The following MASP1 variants were observed in gnomAD, a reference collection of about 807,000 sequenced individuals.
MASP1 encodes MBL associated serine protease 1, also known as mannan-binding lectin serine protease 1.
A neutral mutation model predicts 77.1 loss-of-function variants in MASP1; 59 were observed. The observed-to-expected ratio is 0.77, with a 90% confidence interval of 0.62 to 0.95. MASP1 has a LOEUF of 0.95. Ranked by LOEUF, MASP1 falls within the 40% of genes least tolerant of loss-of-function variation. The probability of loss-of-function intolerance (pLI) is 0.00; values close to 1 mark genes in which losing one functional copy is unlikely to be tolerated. For missense variants in MASP1, 885 were observed against 912.9 expected (o/e 0.97, Z 0.39); for synonymous variants, 362 against 354.5 (o/e 1.02, Z -0.24).
chr3:187,241,747 T>C (rs1713659393), intron 9 of MASP1, 192 bp from the exon 10 acceptor site: 3 of 547,188 alleles, frequency 5.5e-6, no homozygotes, highest in Non-Finnish European at 1.0e-5. Context: ...TGGCAGGTAC[T>C]CTCTGGGATA....
chr3:187,255,553 A>T (rs1438644501), intron 5 of MASP1, among the ~76,000 whole-genome samples: 1 of 152,196 alleles, frequency 6.6e-6, no homozygotes, highest in East Asian at 1.9e-4. Flanking sequence ...TTAAGCTGTT[A>T]TGTTTGTGGT....
At chr3:187,262,749 A>G (rs748265765) in intron 2 of MASP1, 29 bp from the exon 3 acceptor site, 1 of 1,607,226 alleles carries the variant, frequency 6.2e-7, no homozygotes, top group Non-Finnish European at 8.5e-7. Flanking sequence ...AGGGAACAAG[A>G]TGAGCAGTTT....
At chr3:187,238,515 A>G (rs1039965609) in intron 10 of MASP1, among the ~76,000 whole-genome samples, 1 of 152,172 alleles carries the variant, frequency 6.6e-6, no homozygotes, top group African/African-American at 2.4e-5. Context: ...CTTTCCTGGG[A>G]GAAAGGGATC....
downstream of MASP1, among the ~76,000 whole-genome samples, chr3:187,229,214 C>G (rs2108506140): frequency 6.6e-6 from 1 of 152,306 alleles, no homozygotes; most frequent in East Asian, 1.9e-4. Flanking sequence ...GGTGACAGTC[C>G]TATTTCCCAG....
intron 10 of MASP1, among the ~76,000 whole-genome samples, chr3:187,241,026 G>A (rs1713591710): frequency 6.6e-6 from 1 of 152,174 alleles, no homozygotes; most frequent in African/African-American, 2.4e-5. Context: ...ATTTTAAAGT[G>A]GAGTCAGTAA....
At chr3:187,229,621 G>T, downstream of MASP1, 2 of 1,139,702 alleles carry the variant, frequency 1.8e-6, no homozygotes, top group Non-Finnish European at 2.5e-6. Flanking sequence ...ATCCAGTCTA[G>T]CCGAGAACTC....
At chr3:187,271,687 A>C (rs2108583262) in intron 2 of MASP1, among the ~76,000 whole-genome samples, 1 of 152,318 alleles carries the variant, frequency 6.6e-6, no homozygotes, top group Non-Finnish European at 1.5e-5. Flanking sequence ...AAGAAACTTG[A>C]GCTCAAAGCT....
Position 187,263,414 on chromosome 3 carries a change from C to G in MASP1, c.238-694G>C, listed in dbSNP as rs542189345. Among the ~76,000 whole-genome samples the G allele has an allele frequency of 2.0e-5, 3 of 152,220 alleles. No individual in the cohort carries two copies. In the South Asian group the frequency reaches 6.2e-4, roughly 32 times the overall value. On this transcript the variant is annotated intron_variant, in intron 2 of 10. Coordinates refer to ENST00000296280, the MANE Select transcript of MASP1 (RefSeq NM_139125.4). ...TAGTTATCCAATAAACATTTGTTTA[C>G]AAGAACTGAAAGTACAAGCCCCATT...
At chr3:187,264,486 A>C (rs1560023212) in intron 2 of MASP1, among the ~76,000 whole-genome samples, 2 of 152,128 alleles carry the variant, frequency 1.3e-5, no homozygotes, top group Non-Finnish European at 2.9e-5. Flanking sequence ...AAAAAAAAAA[A>C]AGTACTTTAA....
chr3:187,236,154 A>G lies in MASP1; in HGVS notation c.1717T>C (p.Cys573Arg). ...VPLGPHVMPV[C>R]LPRLEPEGPA... is the part of the protein sequence containing the mutation. Reference sequence around the variant, plus strand: ...CCTTCAGGCTCAAGCCTTGGCAGGCAGACAGGCATAACGTGGGGTCCCAGG... The same window carrying G: ...CCTTCAGGCTCAAGCCTTGGCAGGCGGACAGGCATAACGTGGGGTCCCAGG... Residue 573 changes from cysteine (C) to arginine (R), a missense_variant, in exon 11 of 11, where the codon TGC (cysteine) becomes CGC (arginine). Cys to Arg is a radical substitution (Grantham distance 180, BLOSUM62 -3). Transcript: ENST00000296280. The G allele has an allele frequency of 6.2e-7, 1 of 1,614,012 alleles. No individual in the cohort carries two copies. Among genetic ancestry groups the G allele is most frequent in the Non-Finnish European group, 8.5e-7 (1 of 1,180,028 alleles).
rs1008918642 is a variant in MASP1 at position 187,235,475 on chromosome 3, C to T, written c.*209G>A. ...GCCCAGACAGGGAAAGAGACTTGGA[C>T]AAGCTCAGGAACACAGGTCTCCTGC... On this transcript the variant is annotated 3_prime_UTR_variant, in exon 11 of 11. Transcript: ENST00000296280. 1 of 1,522,054 alleles carries T rather than the reference C, an allele frequency of 6.6e-7. No homozygotes were observed. The highest frequency in any genetic ancestry group is 1.4e-5 in the African/African-American group (1 of 72,632). The allele number at this position is 1,522,054 out of a possible 1,614,324, so 94.3% of individuals were successfully genotyped here.
chr3:187,279,105 T>C (rs1442190431), intron 2 of MASP1, among the ~76,000 whole-genome samples: 1 of 152,244 alleles, frequency 6.6e-6, no homozygotes, highest in Non-Finnish European at 1.5e-5. Flanking sequence ...ATATACACTT[T>C]GCGTGTTAAA....
chr3:187,253,354 C>G (rs562370562), intron 5 of MASP1, 39 bp from the exon 6 acceptor site: 2 of 1,612,246 alleles, frequency 1.2e-6, no homozygotes, highest in African/African-American at 1.3e-5. Flanking sequence ...ATAGAGTGTT[C>G]CATCTGAGCA....
chr3:187,217,802 T>G (rs1711848284), exon 16 of MASP1: 1 of 152,162 alleles, frequency 6.6e-6, no homozygotes. Context: ...TTTCTCAGGA[T>G]AAGGATGAAA....
At position 187,279,484 on chromosome 3, in the gene MASP1, G is replaced by C. The variant is rs150911410; in HGVS notation, c.237+6341C>G. ...CTTTTTTTTACACCCCCAAATCATA[G>C]TATAAGTTAATATTAGGCTGGCCAA... On this transcript the variant is annotated intron_variant, in intron 2 of 10. Transcript: ENST00000296280. 5.5e-4 allele frequency among the ~76,000 whole-genome samples: 84 copies of C among 152,268 alleles called. 2 individuals are homozygous for C. In the Middle Eastern group the frequency reaches 0.01, roughly 18 times the overall value.
At chr3:187,226,501 G>C in exon 12 of MASP1, 1 of 1,611,120 alleles carries the variant, frequency 6.2e-7, no homozygotes, top group Non-Finnish European at 8.5e-7. Context: ...AGTGTGCGGC[G>C]GTCACGATCC....
At chr3:187,258,715 A>G (rs1170752471) in intron 4 of MASP1, among the ~76,000 whole-genome samples, 1 of 152,228 alleles carries the variant, frequency 6.6e-6, no homozygotes, top group Non-Finnish European at 1.5e-5. Context: ...CCAATCACAG[A>G]GTTTTGGCCA....
chr3:187,275,468 C>T lies in MASP1; in HGVS notation c.237+10357G>A, dbSNP rs868491067. Among the ~76,000 whole-genome samples, 3 of 152,254 alleles carry T rather than the reference C, an allele frequency of 2.0e-5. 1 individual carries two copies. The highest frequency in any genetic ancestry group is 7.2e-5 in the African/African-American group (3 of 41,540). On this transcript the variant is annotated intron_variant, in intron 2 of 10. Coordinates refer to ENST00000296280, the MANE Select transcript of MASP1 (RefSeq NM_139125.4). ...TGTCATAGCTCTGCCACTCATACCTCAGGGGTCACTTAAACCTCCCCAGGC... is the reference window on the plus strand; with the variant it reads ...TGTCATAGCTCTGCCACTCATACCTTAGGGGTCACTTAAACCTCCCCAGGC...
intron 2 of MASP1, among the ~76,000 whole-genome samples, chr3:187,278,818 C>T (rs1214275779): frequency 1.3e-5 from 2 of 152,190 alleles, no homozygotes. Flanking sequence ...CTACGCTCCA[C>T]ATAGTCATAT....
Sources: allele counts gnomAD v4.1 joint callset (sites outside exome capture counted in the v4.1 genomes callset), GRCh38; gene constraint gnomAD v4.1.1; transcripts MANE v1.5; gene names NCBI Gene and HGNC (gene_info 2026-07-23, HGNC 2026-07-21).